ARB2A: variants seen among roughly 807,000 people sequenced by gnomAD.
ARB2A encodes cotranscriptional regulator ARB2A.
the ARB2A span, among the ~76,000 whole-genome samples, chr5:93,824,935 C>A: frequency 2.0e-5 from 3 of 152,206 alleles, no homozygotes; most frequent in South Asian, 4.1e-4. Context: ...GGGCATCCCC[C>A]CAAACTGTTG....
chr5:93,817,323 G>T, the ARB2A span, among the ~76,000 whole-genome samples: 1 of 152,146 alleles, frequency 6.6e-6, no homozygotes, highest in Non-Finnish European at 1.5e-5. Flanking sequence ...AAGCATTTTT[G>T]AAAGAAGACC....
chr5:93,894,649 A>T, the ARB2A span, among the ~76,000 whole-genome samples: 47 of 152,234 alleles, frequency 3.1e-4, no homozygotes, highest in Non-Finnish European at 3.5e-4. Flanking sequence ...AGGGTGGCTT[A>T]TGTGGTCTTT....
chr5:93,666,512 T>C, the ARB2A span, among the ~76,000 whole-genome samples: 2 of 152,024 alleles, frequency 1.3e-5, no homozygotes, highest in Non-Finnish European at 2.9e-5. Flanking sequence ...CCTTTTTTTT[T>C]TTTTTTTAAA....
the ARB2A span, among the ~76,000 whole-genome samples, chr5:93,742,500 G>A: frequency 6.6e-6 from 1 of 152,154 alleles, no homozygotes; most frequent in African/African-American, 2.4e-5. Context: ...GCATCCAGTT[G>A]TGGGCCCTGT....
the ARB2A span, among the ~76,000 whole-genome samples, chr5:93,767,404 T>C: frequency 1.3e-5 from 2 of 152,020 alleles, no homozygotes; most frequent in African/African-American, 4.8e-5. Flanking sequence ...GTGGATGTGG[T>C]GATGAGGGAG....
the ARB2A span, among the ~76,000 whole-genome samples, chr5:94,035,539 A>G: frequency 1.2e-4 from 18 of 152,326 alleles, no homozygotes; most frequent in Admixed American, 6.5e-4. Flanking sequence ...TAATTTTAAC[A>G]TTTCACTGGC....
At chr5:93,918,426 A>ATTTC in the ARB2A span, among the ~76,000 whole-genome samples, 234 of 143,784 alleles carry the variant, frequency 1.6e-3, 1 homozygote, top group African/African-American at 5.8e-3. Flanking sequence ...TTACTTCCAA[A>ATTTC]TTTCTTTTTT....
chr5:94,067,371 C>T, the ARB2A span, among the ~76,000 whole-genome samples: 1 of 152,078 alleles, frequency 6.6e-6, no homozygotes, highest in East Asian at 1.9e-4. Context: ...AAATAAAAAG[C>T]ATCCAAATTG....
At chr5:93,775,338 C>T in the ARB2A span, among the ~76,000 whole-genome samples, 1 of 152,186 alleles carries the variant, frequency 6.6e-6, no homozygotes, top group African/African-American at 2.4e-5. Flanking sequence ...GTGTTCCAAA[C>T]TTTTACCCAT....
chr5:93,930,299 C>G, the ARB2A span, among the ~76,000 whole-genome samples: 1 of 152,132 alleles, frequency 6.6e-6, no homozygotes, highest in African/African-American at 2.4e-5. Flanking sequence ...ATAGAAATAA[C>G]TGATAAGATA....
chr5:93,881,448 G>A, the ARB2A span: 1 of 1,552,496 alleles, frequency 6.4e-7, no homozygotes, highest in Admixed American at 1.7e-5. Flanking sequence ...AAATAGTAAA[G>A]GAAAGTAGTG....
At chr5:93,719,412 A>G in the ARB2A span, among the ~76,000 whole-genome samples, 1 of 152,204 alleles carries the variant, frequency 6.6e-6, no homozygotes, top group African/African-American at 2.4e-5. Context: ...AACTGGCCCG[A>G]AGCCACATAT....
the ARB2A span, among the ~76,000 whole-genome samples, chr5:93,771,891 A>C: frequency 2.6e-5 from 4 of 152,260 alleles, no homozygotes. Flanking sequence ...TGTGGAAGTC[A>C]GTGTGGTGAT....
At chr5:93,830,823 T>C in the ARB2A span, among the ~76,000 whole-genome samples, 1 of 152,152 alleles carries the variant, frequency 6.6e-6, no homozygotes, top group Admixed American at 6.6e-5. Flanking sequence ...ACGTTTATTG[T>C]GCACTTTATT....
the ARB2A span, among the ~76,000 whole-genome samples, chr5:94,059,149 A>C: frequency 1.3e-5 from 2 of 151,950 alleles, no homozygotes; most frequent in Non-Finnish European, 2.9e-5. Flanking sequence ...ATGCAAACAG[A>C]CAAACACAGG....
the ARB2A span, among the ~76,000 whole-genome samples, chr5:93,762,187 C>A: frequency 6.6e-6 from 1 of 152,174 alleles, no homozygotes; most frequent in African/African-American, 2.4e-5. Flanking sequence ...AGCAATGGAA[C>A]AAAGCTAGAT....
the ARB2A span, chr5:93,683,293 C>T: frequency 1.2e-6 from 2 of 1,603,520 alleles, no homozygotes; most frequent in East Asian, 2.2e-5. Flanking sequence ...CAGGGGCAGA[C>T]CGCTTTCCAG....
chr5:94,103,737 A>G, the ARB2A span, among the ~76,000 whole-genome samples: 1 of 151,250 alleles, frequency 6.6e-6, no homozygotes, highest in African/African-American at 2.4e-5. Context: ...TTATCTGCAC[A>G]TGACACATAC....
chr5:93,963,257 T>G, the ARB2A span, among the ~76,000 whole-genome samples: 1 of 151,838 alleles, frequency 6.6e-6, no homozygotes, highest in Non-Finnish European at 1.5e-5. Context: ...TAAGTTTAAA[T>G]TCAAAAAAGA....
Sources: allele counts gnomAD v4.1 joint callset (sites outside exome capture counted in the v4.1 genomes callset), GRCh38; gene constraint gnomAD v4.1.1; transcripts MANE v1.5; gene names NCBI Gene and HGNC (gene_info 2026-07-23, HGNC 2026-07-21).